Variants in MMRN1 observed in about 807,000 individuals in gnomAD.
MMRN1 encodes the protein multimerin-1.
Under a neutral mutation model 100.7 loss-of-function variants are expected in MMRN1, and 94 were observed. That is an observed-to-expected ratio of 0.93 (90% CI 0.79 to 1.11). The LOEUF is 1.11. Ranked by LOEUF, MMRN1 falls within the 50% of genes least tolerant of loss-of-function variation. The probability of loss-of-function intolerance (pLI) is 0.00; values close to 1 mark genes in which losing one functional copy is unlikely to be tolerated. For synonymous variants in MMRN1, 575 were observed against 505.0 expected (o/e 1.14, Z -1.86); for missense variants, 1,606 against 1,439.1 (o/e 1.12, Z -1.88).
chr4:89,892,538 T>C (rs1019438853), upstream of MMRN1, among the ~76,000 whole-genome samples: 12 of 151,924 alleles, frequency 7.9e-5, no homozygotes, highest in Non-Finnish European at 1.2e-4. Flanking sequence ...GAGTATTTTA[T>C]ACCTCTAATT....
intron 7 of MMRN1, among the ~76,000 whole-genome samples, chr4:89,952,259 T>C (rs1723204508): frequency 6.6e-6 from 1 of 152,174 alleles, no homozygotes; most frequent in African/African-American, 2.4e-5. Context: ...TAAAACAAGA[T>C]GGCTTTTTTA....
chr4:89,901,899 A>G (rs934684993), intron 1 of MMRN1: 2 of 151,958 alleles, frequency 1.3e-5, no homozygotes, highest in African/African-American at 4.8e-5. Flanking sequence ...ATAAAACTAT[A>G]ATTTTAAATT....
chr4:89,935,374 A>C lies in MMRN1; in HGVS notation c.1694A>C (p.Glu565Ala). 6.2e-7 allele frequency: 1 copy of C among 1,613,418 alleles called. No homozygotes were observed. ...AGTTTGATGATGCTGCAAATGTTTG[A>C]AGATTTGCACATTCAAGAAAGCAAG... ...KQSLMMLQMF[E>A]DLHIQESKIN... Residue 565 changes from glutamate to alanine, a missense_variant, in exon 6 of 8, where the codon GAA becomes GCA. By Grantham distance (107) the Glu-to-Ala change is moderately radical (BLOSUM62 -1). Transcript: ENST00000264790.
chr4:89,948,595 G>C (rs912564633), intron 6 of MMRN1, among the ~76,000 whole-genome samples: 1 of 152,184 alleles, frequency 6.6e-6, no homozygotes, highest in Non-Finnish European at 1.5e-5. Context: ...GTGTTATCTT[G>C]ACAGAAGTGT....
intron 3 of MMRN1, among the ~76,000 whole-genome samples, chr4:89,917,856 T>C (rs1721971328): frequency 6.6e-6 from 1 of 152,046 alleles, no homozygotes; most frequent in African/African-American, 2.4e-5. Flanking sequence ...AAAAAGTGAT[T>C]GCATTCAATT....
At chr4:89,889,978 C>G (rs536589697), upstream of MMRN1, among the ~76,000 whole-genome samples, 1 of 152,166 alleles carries the variant, frequency 6.6e-6, no homozygotes, top group East Asian at 1.9e-4. Context: ...CAAAGTCACT[C>G]AGTGAAGACC....
chr4:89,951,461 A>G, intron 6 of MMRN1, 144 bp from the exon 7 acceptor site: 1 of 747,092 alleles, frequency 1.3e-6, no homozygotes, highest in Non-Finnish European at 2.0e-6. Flanking sequence ...CTGTGCCCAG[A>G]TCGACAGGCA....
intron 1 of MMRN1, among the ~76,000 whole-genome samples, chr4:89,904,588 T>C (rs904033821): frequency 6.6e-6 from 1 of 151,686 alleles, no homozygotes; most frequent in Non-Finnish European, 1.5e-5. Context: ...ATTTTCAAGG[T>C]TCTTCCTTTT....
chr4:89,895,667 C>T, intron 1 of MMRN1, 73 bp downstream of exon 1: 3 of 1,465,002 alleles, frequency 2.0e-6, no homozygotes, highest in Non-Finnish European at 2.7e-6. Context: ...AAATTTACCT[C>T]ACTCCCAGAA....
intron 5 of MMRN1, among the ~76,000 whole-genome samples, chr4:89,929,195 A>C (rs993743798): frequency 6.6e-6 from 1 of 152,076 alleles, no homozygotes; most frequent in Non-Finnish European, 1.5e-5. Context: ...TTTCAGGATT[A>C]CTGTTTTTTT....
intron 3 of MMRN1, among the ~76,000 whole-genome samples, chr4:89,922,752 C>T (rs896050912): frequency 3.3e-5 from 5 of 151,864 alleles, no homozygotes; most frequent in Admixed American, 3.3e-4. Context: ...TCCCTTTTTT[C>T]CAAGTAGACA....
Position 89,895,582 on chromosome 4 carries a change from C to T in MMRN1, c.611C>T (p.Thr204Ile). The T allele has an allele frequency of 6.2e-7, 1 of 1,612,900 alleles. No homozygotes were observed. The highest frequency in any genetic ancestry group is 2.2e-5 in the East Asian group (1 of 44,690). ...GACTACCAAAAATCAAATTTCGAAA[C>T]AACTAGAGGAAAGTAAGAAATCTTC... ...RTDYQKSNFE[T>I]TRGKNWCAYV... The change falls in exon 1 of 8, where the codon ACA becomes ATA. Residue 204 changes from threonine (T) to isoleucine (I), a missense_variant. Transcript: ENST00000264790.
intron 5 of MMRN1, among the ~76,000 whole-genome samples, chr4:89,934,238 CATT>C (rs1722531685): frequency 6.6e-6 from 1 of 152,016 alleles, no homozygotes; most frequent in Non-Finnish European, 1.5e-5. Flanking sequence ...CCCCAAATCT[CATT>C]ATTATTATTT....
upstream of MMRN1, among the ~76,000 whole-genome samples, chr4:89,893,697 G>C (rs77437532): frequency 6.6e-6 from 1 of 152,066 alleles, no homozygotes; most frequent in Non-Finnish European, 1.5e-5. Context: ...TGACAGCAAA[G>C]AATATTTTTG....
chr4:89,880,511 G>T (rs1457242511), intron 1 of MMRN1, among the ~76,000 whole-genome samples: 2 of 152,052 alleles, frequency 1.3e-5, no homozygotes, highest in Non-Finnish European at 2.9e-5. Flanking sequence ...TGTCCAACAA[G>T]AATTTACAGA....
intron 1 of MMRN1, among the ~76,000 whole-genome samples, chr4:89,907,546 T>A (rs139724301): frequency 6.6e-6 from 1 of 151,402 alleles, no homozygotes; most frequent in African/African-American, 2.4e-5. Flanking sequence ...TTTTAGGAAA[T>A]TTTCCCTTTT....
At chr4:89,913,552 A>C (rs1181429170) in intron 3 of MMRN1, among the ~76,000 whole-genome samples, 1 of 151,358 alleles carries the variant, frequency 6.6e-6, no homozygotes, top group Non-Finnish European at 1.5e-5. Flanking sequence ...GACACAAGAA[A>C]CAAAGACTAG....
intron 4 of MMRN1, among the ~76,000 whole-genome samples, chr4:89,926,613 T>G (rs1722272874): frequency 6.6e-6 from 1 of 152,194 alleles, no homozygotes; most frequent in South Asian, 2.1e-4. Context: ...TCTTTTGCTG[T>G]GCAGAAGCTT....
At position 89,895,186 on chromosome 4, in the gene MMRN1, G is replaced by T. The variant is rs766180702; in HGVS notation, c.215G>T (p.Arg72Ile). ...SAEIATTPEA[R>I]TSEDSLLKST... ...GAGATAGCTACAACTCCAGAGGCAA[G>T]AACTTCTGAAGACAGTCTTCTTAAA... Residue 72 changes from arginine (R) to isoleucine (I), a missense_variant, in exon 1 of 8, where the codon AGA (arginine) becomes ATA (isoleucine). By Grantham distance (97) the Arg-to-Ile change is moderately conservative. Coordinates refer to ENST00000264790, the MANE Select transcript of MMRN1 (RefSeq NM_007351.3). 1 of 1,613,828 alleles carries T rather than the reference G, an allele frequency of 6.2e-7. No homozygotes were observed. The highest frequency in any genetic ancestry group is 8.5e-7 in the Non-Finnish European group (1 of 1,179,912).
Sources: allele counts gnomAD v4.1 joint callset (sites outside exome capture counted in the v4.1 genomes callset), GRCh38; gene constraint gnomAD v4.1.1; transcripts MANE v1.5; gene names NCBI Gene and HGNC (gene_info 2026-07-23, HGNC 2026-07-21).